The following MSN variants were observed in gnomAD, a reference collection of about 807,000 sequenced individuals.
MSN encodes moesin.
In MSN, 2 loss-of-function variants were observed where a neutral mutation model predicts 48.0. The ratio of observed to expected loss-of-function variants is 0.04; its 90% CI spans 0.02 to 0.13. The LOEUF is 0.13. Ranked by LOEUF, MSN falls within the 10% of genes least tolerant of loss-of-function variation. The pLI is 1.00. For synonymous variants in MSN, 146 were observed against 166.9 expected (o/e 0.87, Z 0.97); for missense variants, 267 against 470.1 (o/e 0.57, Z 3.99).
intron 7 of MSN, among the ~76,000 whole-genome samples, chrX:65,734,303 C>G (rs2071653473): frequency 9.0e-6 from 1 of 111,481 alleles, no homozygotes; most frequent in Non-Finnish European, 1.9e-5. Context: ...TCTTCTCCAG[C>G]CATGAGGTGC....
At chrX:65,596,166 G>A (rs866553394) in intron 1 of MSN, among the ~76,000 whole-genome samples, 2 of 110,997 alleles carry the variant, frequency 1.8e-5, no homozygotes, top group Non-Finnish European at 3.8e-5. Flanking sequence ...AATCAGAACC[G>A]GAGCCCAAGG....
chrX:65,733,361 T>A (rs975080038), intron 7 of MSN, 81 bp downstream of exon 7: 120 of 802,305 alleles, frequency 1.5e-4, no homozygotes, highest in Non-Finnish European at 2.2e-4. Context: ...TATTTTTCTC[T>A]TCCTTTTCTG....
chrX:65,675,367 C>T (rs2070986993), intron 1 of MSN, among the ~76,000 whole-genome samples: 1 of 110,821 alleles, frequency 9.0e-6, no homozygotes, highest in Non-Finnish European at 1.9e-5. Flanking sequence ...AGGGTGTGTA[C>T]ACTTGGGAGC....
intron 1 of MSN, among the ~76,000 whole-genome samples, chrX:65,715,506 C>G (rs1437827971): frequency 9.0e-6 from 1 of 111,573 alleles, no homozygotes; most frequent in Non-Finnish European, 1.9e-5. Flanking sequence ...TTTCTTTGAG[C>G]AGTGATTTGT....
chrX:65,736,965 G>C (rs2071683690), intron 9 of MSN, 40 bp downstream of exon 9: 1 of 1,203,585 alleles, frequency 8.3e-7, no homozygotes, highest in East Asian at 3.0e-5. Flanking sequence ...ATTTTTCCAG[G>C]CCTAACTCTG....
intron 7 of MSN, among the ~76,000 whole-genome samples, chrX:65,733,785 C>A (rs2071647705): frequency 9.0e-6 from 1 of 111,526 alleles, no homozygotes; most frequent in South Asian, 3.7e-4. Context: ...TCCCGAGTAG[C>A]TGGGATTACA....
rs1250719110 is a variant in MSN at position 65,736,049 on chromosome X, G to T, written c.959+619G>T. Among the ~76,000 whole-genome samples the T allele has an allele frequency of 2.7e-5, 3 of 112,011 alleles. No homozygotes were observed. The Admixed American group carries it at 2.8e-4, about 11-fold the overall frequency. On this transcript the variant is annotated intron_variant, in intron 8 of 12. Coordinates refer to ENST00000360270, the MANE Select transcript of MSN (RefSeq NM_002444.3). ...CTCTGGGAAAAAGAAGCCTAGAGCT[G>T]GGCTTTAGGGCAGGCAGTGTTAGAC...
intron 1 of MSN, among the ~76,000 whole-genome samples, chrX:65,695,274 G>A (rs1453085425): frequency 9.0e-6 from 1 of 110,819 alleles, no homozygotes; most frequent in African/African-American, 3.3e-5. Context: ...GCTGAGGTGG[G>A]TGGATAACCT....
At chrX:65,732,763 A>G (rs2071635236) in intron 6 of MSN, among the ~76,000 whole-genome samples, 1 of 112,666 alleles carries the variant, frequency 8.9e-6, no homozygotes, top group Non-Finnish European at 1.9e-5. Context: ...TACAAGTTCC[A>G]TGCCTCAAAC....
intron 1 of MSN, among the ~76,000 whole-genome samples, chrX:65,628,330 A>C (rs2070525351): frequency 8.8e-6 from 1 of 113,049 alleles, no homozygotes; most frequent in Admixed American, 9.3e-5. Context: ...ATCTAGGCAG[A>C]GGTTCCCAAG....
At chrX:65,595,018 A>G (rs2070176039) in intron 1 of MSN, among the ~76,000 whole-genome samples, 1 of 111,359 alleles carries the variant, frequency 9.0e-6, no homozygotes, top group South Asian at 3.8e-4. Context: ...ATTTAGTGAT[A>G]CCTCAAGACT....
intron 1 of MSN, among the ~76,000 whole-genome samples, chrX:65,711,425 A>T (rs1304628488): frequency 3.6e-5 from 4 of 111,644 alleles, no homozygotes; most frequent in African/African-American, 1.3e-4. Flanking sequence ...CGAACTCCTG[A>T]CCTCAAGTAA....
At position 65,736,796 on chromosome X, in the gene MSN, G is replaced by A. The variant is rs1456206908; in HGVS notation, c.961G>A (p.Ala321Thr). 2 of 1,164,883 alleles carry A rather than the reference G, an allele frequency of 1.7e-6. No individual in the cohort carries two copies. Among genetic ancestry groups the A allele is most frequent in the African/African-American group, 3.6e-5 (2 of 55,481 alleles). ...EEKHQKQMER[A>T]MLENEKKKRE... is the part of the protein sequence containing the mutation. ...TATCCATTTTATCTCCTTCCCTAGT[G>A]CTATGCTGGAAAATGAGAAGAAGAA... Residue 321 changes from alanine (A) to threonine (T), a missense_variant and splice_region_variant, in exon 9 of 13, where the codon GCT (alanine) becomes ACT (threonine). Ala to Thr is a moderately conservative substitution (Grantham distance 58, BLOSUM62 0). Transcript: ENST00000360270.
At chrX:65,660,395 T>A (rs1239289402) in intron 1 of MSN, among the ~76,000 whole-genome samples, 1 of 111,841 alleles carries the variant, frequency 8.9e-6, no homozygotes, top group Middle Eastern at 4.2e-3. Context: ...GCAGAGATTA[T>A]GTGGTTTTCT....
intron 1 of MSN, among the ~76,000 whole-genome samples, chrX:65,708,083 C>T: frequency 9.1e-6 from 1 of 110,383 alleles, no homozygotes. Flanking sequence ...CTTCTGGCTT[C>T]AAGCTGTCCT....
chrX:65,606,413 C>T (rs898081695), intron 1 of MSN, among the ~76,000 whole-genome samples: 3 of 110,009 alleles, frequency 2.7e-5, no homozygotes, highest in African/African-American at 9.9e-5. Context: ...AGGTGTGAGC[C>T]ACCACACCCG....
chrX:65,643,186 C>T (rs970701189), intron 1 of MSN, among the ~76,000 whole-genome samples: 33 of 111,459 alleles, frequency 3.0e-4, no homozygotes, highest in African/African-American at 9.5e-4. Context: ...TTCAAGATAC[C>T]TCCCCAATGT....
At chrX:65,702,106 G>A (rs1264592306) in intron 1 of MSN, among the ~76,000 whole-genome samples, 1 of 105,225 alleles carries the variant, frequency 9.5e-6, no homozygotes, top group African/African-American at 3.5e-5. Flanking sequence ...TCTGCCTCCC[G>A]GGTTCAAGCG....
At chrX:65,704,374 T>C (rs773334945) in intron 1 of MSN, among the ~76,000 whole-genome samples, 1 of 112,276 alleles carries the variant, frequency 8.9e-6, no homozygotes, top group East Asian at 2.8e-4. Context: ...CCCTTCCTCT[T>C]TCTCTGCTCT....
Sources: gnomAD v4.1 joint callset for allele counts (sites outside exome capture counted in the v4.1 genomes callset) on GRCh38, gnomAD v4.1.1 for gene constraint, MANE v1.5 for transcripts, NCBI Gene and HGNC (gene_info 2026-07-23, HGNC 2026-07-21) for gene names.